Variants in MAP2 observed in about 807,000 individuals in gnomAD.
The protein encoded by MAP2 is microtubule associated protein 2, also known as microtubule-associated protein 2.
Under a neutral mutation model 137.6 loss-of-function variants are expected in MAP2, and 14 were observed. That is an observed-to-expected ratio of 0.10 (90% CI 0.07 to 0.16). MAP2 has a LOEUF of 0.16. Ranked by LOEUF, MAP2 falls within the 10% of genes least tolerant of loss-of-function variation. The pLI is 1.00. For synonymous variants in MAP2, 786 were observed against 782.3 expected (o/e 1.00, Z -0.08); for missense variants, 2,088 against 2,191.5 (o/e 0.95, Z 0.94).
chr2:209,428,728 C>T (rs1693281477), intron 1 of MAP2, among the ~76,000 whole-genome samples: 1 of 151,854 alleles, frequency 6.6e-6, no homozygotes, highest in African/African-American at 2.4e-5. Context: ...CCCTAGGCTT[C>T]AACAGTTTTT....
intron 1 of MAP2, among the ~76,000 whole-genome samples, chr2:209,502,454 G>T (rs1559245382): frequency 6.6e-6 from 1 of 152,162 alleles, no homozygotes; most frequent in Non-Finnish European, 1.5e-5. Flanking sequence ...GTTCCATTGT[G>T]TATAGTAACT....
intron 1 of MAP2, among the ~76,000 whole-genome samples, chr2:209,430,319 A>G (rs538167001): frequency 2.0e-5 from 3 of 151,810 alleles, no homozygotes; most frequent in South Asian, 2.1e-4. Context: ...TCAGCCTGCT[A>G]ATTTTGTCTA....
chr2:209,730,292 A>T lies in MAP2; in HGVS notation c.5379A>T (p.Arg1793=). The part of the protein sequence containing the change: ...PGRSSVASPR[R]LSNVSSSGSI... Reference sequence around the variant, plus strand: ...GATCCAGCGTGGCATCACCCCGACGACTCAGCAATGTCTCCTCGTCTGGAA... The same window carrying T: ...GATCCAGCGTGGCATCACCCCGACGTCTCAGCAATGTCTCCTCGTCTGGAA... Residue 1793 remains arginine, a synonymous_variant, in exon 16 of 16, where the codon CGA becomes CGT. Transcript: ENST00000682079. The T allele has an allele frequency of 6.2e-7, 1 of 1,613,954 alleles. No individual in the cohort carries two copies.
chr2:209,611,481 A>G (rs2153487951), intron 3 of MAP2, among the ~76,000 whole-genome samples: 1 of 151,952 alleles, frequency 6.6e-6, no homozygotes. Context: ...TATATATATA[A>G]TATAATTTAC....
rs148418603 is a variant in MAP2 at position 209,677,403 on chromosome 2, T to TAGATAGACAGACAGAC, written c.263-1166_263-1165insTAGACAGACAGACAGA. Among the ~76,000 whole-genome samples the TAGATAGACAGACAGAC allele has an allele frequency of 6.8e-3, 993 of 146,414 alleles. 11 individuals are homozygous for TAGATAGACAGACAGAC. Among genetic ancestry groups the TAGATAGACAGACAGAC allele is most frequent in the African/African-American group, 0.023 (908 of 38,670 alleles). ...ATGATAGATTAGATAGATAGATAGA[T>TAGATAGACAGACAGAC]AGACAGACAGACAGACAGACAGACA... On this transcript the variant is annotated intron_variant, in intron 5 of 15. Transcript: ENST00000682079.
chr2:209,428,673 C>T (rs1208070502), intron 1 of MAP2, among the ~76,000 whole-genome samples: 1 of 151,836 alleles, frequency 6.6e-6, no homozygotes, highest in African/African-American at 2.4e-5. Context: ...CTTCTCAAGG[C>T]TCCATCCCTA....
intron 3 of MAP2, among the ~76,000 whole-genome samples, chr2:209,582,742 C>T (rs971279576): frequency 6.6e-6 from 1 of 152,040 alleles, no homozygotes; most frequent in African/African-American, 2.4e-5. Flanking sequence ...CAAGAAACTT[C>T]TAGAATCACA....
chr2:209,596,646 TG>T lies in MAP2; in HGVS notation c.-107+16547del, dbSNP rs200034337. The stretch of plus-strand genomic sequence containing the variant: ...AATATTGGCATAGCTGAGGCTGCTT[TG>T]TTGCAGTAGAAAATCATATTTATTG... On this transcript the variant is annotated intron_variant, in intron 3 of 15. Coordinates refer to ENST00000682079, the MANE Select transcript of MAP2 (RefSeq NM_001375505.1). Among the ~76,000 whole-genome samples, 396 of 152,330 alleles carry T rather than the reference TG, an allele frequency of 2.6e-3. 3 individuals carry two copies. The highest frequency in any genetic ancestry group is 9.3e-3 in the African/African-American group (388 of 41,576).
Position 209,561,880 on chromosome 2 carries a change from C to T in MAP2, c.-171-18156C>T, listed in dbSNP as rs1240744165. On this transcript the variant is annotated intron_variant, in intron 2 of 15. Coordinates refer to ENST00000682079, the MANE Select transcript of MAP2 (RefSeq NM_001375505.1). ...TAATGTAAGGCACATTGATGAAGCA[C>T]TCAGCATGGCCAGGGACTCTTGTAG... Among the ~76,000 whole-genome samples the T allele has an allele frequency of 3.3e-5, 5 of 152,190 alleles. No individual in the cohort carries two copies. In the South Asian group the frequency reaches 8.3e-4, roughly 25 times the overall value.
At chr2:209,472,135 G>C (rs181352552) in intron 1 of MAP2, among the ~76,000 whole-genome samples, 2 of 151,916 alleles carry the variant, frequency 1.3e-5, no homozygotes, top group South Asian at 4.2e-4. Context: ...GATGCTATGG[G>C]ATACATAAAA....
chr2:209,465,433 A>T (rs915235990), intron 1 of MAP2, among the ~76,000 whole-genome samples: 3 of 108,500 alleles, frequency 2.8e-5, no homozygotes, highest in Non-Finnish European at 4.7e-5. Flanking sequence ...TAACTTTTCT[A>T]GTTTCTATCA....
intron 2 of MAP2, among the ~76,000 whole-genome samples, chr2:209,550,833 A>C (rs2069021208): frequency 6.6e-6 from 1 of 152,182 alleles, no homozygotes; most frequent in Admixed American, 6.5e-5. Context: ...ATAATTAAGT[A>C]ATTAAAACTT....
chr2:209,599,785 T>C (rs2082436106), intron 3 of MAP2, among the ~76,000 whole-genome samples: 1 of 152,124 alleles, frequency 6.6e-6, no homozygotes, highest in Non-Finnish European at 1.5e-5. Context: ...GTCCGTACTT[T>C]GAAATTGGAT....
At chr2:209,616,171 G>C (rs995269901) in intron 3 of MAP2, among the ~76,000 whole-genome samples, 1 of 150,714 alleles carries the variant, frequency 6.6e-6, no homozygotes. Flanking sequence ...CTATAACACA[G>C]CTATAACCAG....
At chr2:209,482,626 A>G (rs1306747247) in intron 1 of MAP2, among the ~76,000 whole-genome samples, 1 of 152,156 alleles carries the variant, frequency 6.6e-6, no homozygotes, top group Non-Finnish European at 1.5e-5. Context: ...CTTTTAACAC[A>G]CATTATCTGA....
intron 3 of MAP2, among the ~76,000 whole-genome samples, chr2:209,617,191 G>A (rs932387058): frequency 6.6e-6 from 1 of 152,128 alleles, no homozygotes; most frequent in Admixed American, 6.6e-5. Context: ...TTGTGTTGGA[G>A]AAGAATGAGG....
At chr2:209,498,772 C>T (rs1294640226) in intron 1 of MAP2, among the ~76,000 whole-genome samples, 1 of 152,196 alleles carries the variant, frequency 6.6e-6, no homozygotes, top group African/African-American at 2.4e-5. Flanking sequence ...CCAGAGCTTC[C>T]AGTGCAGTAC....
intron 2 of MAP2, among the ~76,000 whole-genome samples, chr2:209,561,402 A>C (rs1578274250): frequency 1.3e-5 from 2 of 152,268 alleles, no homozygotes; most frequent in African/African-American, 4.8e-5. Context: ...ACATACGTAG[A>C]AAAATTCAGG....
chr2:209,710,290 A>G, intron 13 of MAP2, 36 bp downstream of exon 13: 1 of 1,485,884 alleles, frequency 6.7e-7, no homozygotes, highest in Non-Finnish European at 9.2e-7. Flanking sequence ...GCTGCCAGAA[A>G]TAATTATTAC....
Sources: allele counts gnomAD v4.1 joint callset (sites outside exome capture counted in the v4.1 genomes callset), GRCh38; gene constraint gnomAD v4.1.1; transcripts MANE v1.5; gene names NCBI Gene and HGNC (gene_info 2026-07-23, HGNC 2026-07-21).